Variants in WDR88 observed in about 807,000 individuals in gnomAD.
The protein encoded by WDR88 is WD repeat domain 88, also known as WD repeat-containing protein 88.
A neutral mutation model predicts 46.8 loss-of-function variants in WDR88; 40 were observed. The observed-to-expected ratio is 0.86, with a 90% CI of 0.66 to 1.11. The LOEUF is 1.11. WDR88 is among the 50% of genes most tolerant of loss of function. WDR88 has a pLI of 0.00. For synonymous variants in WDR88, 235 were observed against 240.7 expected, an observed-to-expected ratio of 0.98 and a Z score of 0.22; for missense variants, 562 against 602.4, an observed-to-expected ratio of 0.93 and a Z score of 0.70.
intron 3 of WDR88, among the ~76,000 whole-genome samples, chr19:33,147,059 GAA>G (rs751356097): frequency 3.8e-5 from 5 of 130,458 alleles, no homozygotes; most frequent in Admixed American, 1.6e-4. Context: ...TGTCTCTAAG[GAA>G]AAAAAAAAAA....
intron 1 of WDR88, among the ~76,000 whole-genome samples, chr19:33,133,157 G>GAATA (rs375517673): frequency 0.022 from 2,332 of 105,714 alleles, 49 homozygotes; most frequent in East Asian, 0.051. Flanking sequence ...ACTGTCTCCA[G>GAATA]AATAAATAAA....
chr19:33,162,532 C>T (rs1370489526), intron 8 of WDR88, among the ~76,000 whole-genome samples: 1 of 151,928 alleles, frequency 6.6e-6, no homozygotes, highest in South Asian at 2.1e-4. Context: ...CTCCTATGTA[C>T]CCAAAGAAAA....
In WDR88 at chr19:33,159,902, C is replaced by T. The variant is rs150948822; in HGVS notation, c.998-512C>T. ...CAGTGGGAGCCCTGAGCTTGTTTTC[C>T]TGCAACTAGATGGTCCCATCTGGGG... On this transcript the variant is annotated intron_variant, in intron 7 of 10. Coordinates refer to ENST00000355868, the MANE Select transcript of WDR88 (RefSeq NM_173479.4). Among the ~76,000 whole-genome samples the T allele has an allele frequency of 7.8e-3, 1,188 of 151,850 alleles. 9 individuals carry two copies. The highest frequency in any genetic ancestry group is 0.034 in the Middle Eastern group (10 of 294).
At chr19:33,138,814 C>T (rs1973331938) in intron 2 of WDR88, among the ~76,000 whole-genome samples, 2 of 151,814 alleles carry the variant, frequency 1.3e-5, no homozygotes, top group Admixed American at 6.6e-5. Context: ...TCCCTAGTAG[C>T]TGGGACTACA....
intron 4 of WDR88, among the ~76,000 whole-genome samples, chr19:33,147,947 G>T (rs143761984): frequency 6.6e-6 from 1 of 151,984 alleles, no homozygotes; most frequent in Non-Finnish European, 1.5e-5. Context: ...TGGAGGAGGC[G>T]GATGGAACCA....
intron 2 of WDR88, among the ~76,000 whole-genome samples, chr19:33,143,361 A>G (rs1407490619): frequency 7.5e-6 from 1 of 134,168 alleles, no homozygotes; most frequent in Non-Finnish European, 1.5e-5. Flanking sequence ...AAAAAAAAAA[A>G]GGCTGGTCAC....
Position 33,172,463 on chromosome 19 carries a change from C to T in WDR88, c.1242+23C>T, listed in dbSNP as rs1419831540. 4 of 1,585,344 alleles carry T rather than the reference C, an allele frequency of 2.5e-6. No homozygotes were observed. The South Asian group carries it at 3.4e-5, about 13-fold the overall frequency. On this transcript the variant is annotated intron_variant, in intron 10 of 10. Transcript: ENST00000355868. The stretch of plus-strand genomic sequence containing the variant: ...CAGGTTGGTATTGGGTAAAATTAAG[C>T]CCAGTGAAGGCTTTCGTTAGTTCCC...
chr19:33,135,726 C>T (rs372027332), intron 1 of WDR88, among the ~76,000 whole-genome samples: 4 of 152,050 alleles, frequency 2.6e-5, no homozygotes, highest in Admixed American at 6.6e-5. Context: ...CCGAACCGCC[C>T]GTTTTTCAAA....
chr19:33,142,468 C>A (rs933546663), intron 2 of WDR88, among the ~76,000 whole-genome samples: 1 of 151,740 alleles, frequency 6.6e-6, no homozygotes, highest in Non-Finnish European at 1.5e-5. Context: ...TGGAGAAGGA[C>A]GGCTCATGGG....
At chr19:33,161,129 T>C (rs11881284) in intron 8 of WDR88, among the ~76,000 whole-genome samples, 80,616 of 152,052 alleles carry the variant, frequency 0.53, 25,898 homozygotes, top group African/African-American at 0.88. Flanking sequence ...GCCAAGATTG[T>C]GCCACTGCAC....
chr19:33,157,679 GTATGTATGTATATATATATATA>G (rs1403611018), intron 7 of WDR88, among the ~76,000 whole-genome samples: 28 of 94,196 alleles, frequency 3.0e-4, no homozygotes, highest in Middle Eastern at 5.4e-3. Flanking sequence ...GTGTGTGTGT[GTATGTATGTATATATATATATA>G]TATATATATA....
intron 5 of WDR88, among the ~76,000 whole-genome samples, chr19:33,150,618 CAT>C (rs1050240668): frequency 2.0e-5 from 3 of 152,266 alleles, no homozygotes; most frequent in African/African-American, 7.2e-5. Flanking sequence ...CACTGCTTCT[CAT>C]ATGTGCTTTG....
At chr19:33,149,344 AAAACAAAC>A (rs10684435) in intron 5 of WDR88, among the ~76,000 whole-genome samples, 3 of 150,988 alleles carry the variant, frequency 2.0e-5, no homozygotes, top group Admixed American at 1.3e-4. Flanking sequence ...AAACAAACAA[AAAACAAAC>A]AAACAAACAA....
intron 6 of WDR88, among the ~76,000 whole-genome samples, chr19:33,152,247 A>G (rs1361652600): frequency 3.3e-5 from 5 of 151,802 alleles, no homozygotes; most frequent in Non-Finnish European, 5.9e-5. Flanking sequence ...ATATATATAT[A>G]TATATACACG....
chr19:33,174,049 A>T, intron 10 of WDR88: 1 of 866,954 alleles, frequency 1.2e-6, no homozygotes, highest in Non-Finnish European at 1.8e-6. Context: ...ACGGGGTTTC[A>T]CCATGTTGGC....
intron 3 of WDR88, among the ~76,000 whole-genome samples, chr19:33,146,875 C>CT (rs1346858581): frequency 6.6e-6 from 1 of 151,966 alleles, no homozygotes; most frequent in African/African-American, 2.4e-5. Flanking sequence ...ATGGAGCAGT[C>CT]TTTTAAAGAT....
At chr19:33,167,768 C>CCTCTCCT (rs1015673989) in intron 9 of WDR88, among the ~76,000 whole-genome samples, 2 of 151,160 alleles carry the variant, frequency 1.3e-5, no homozygotes, top group African/African-American at 2.4e-5. Flanking sequence ...CCTCCTCTCT[C>CCTCTCCT]CTCTCCTCTC....
At position 33,160,587 on chromosome 19, in the gene WDR88, G is replaced by A. The variant is rs553326189; in HGVS notation, c.1080+91G>A. The A allele has an allele frequency of 5.9e-5, 81 of 1,370,670 alleles. 2 individuals are homozygous for A. In the East Asian group the frequency reaches 1.9e-3, roughly 31 times the overall value. 84.9% of individuals were successfully genotyped at this position (1,370,670 alleles called of 1,614,324 possible). A position where few individuals can be genotyped will look rare whatever the true frequency, so the allele number is the denominator to read the frequency against. On this transcript the variant is annotated intron_variant, in intron 8 of 10. Transcript: ENST00000355868. ...CTGGTTGCTGGGGACACAGCTGTGAGTGACACAGGCCTTGATGCCTCTGTG... is the reference window on the plus strand; with the variant it reads ...CTGGTTGCTGGGGACACAGCTGTGAATGACACAGGCCTTGATGCCTCTGTG...
intron 10 of WDR88, among the ~76,000 whole-genome samples, 177 bp downstream of exon 10, chr19:33,172,617 G>A (rs890239076): frequency 6.6e-6 from 1 of 152,110 alleles, no homozygotes; most frequent in Non-Finnish European, 1.5e-5. Context: ...AAAGACACAA[G>A]AAAAATGTGT....
Sources: gnomAD v4.1 joint callset for allele counts (sites outside exome capture counted in the v4.1 genomes callset) on GRCh38, gnomAD v4.1.1 for gene constraint, MANE v1.5 for transcripts, NCBI Gene and HGNC (gene_info 2026-07-23, HGNC 2026-07-21) for gene names.